PTPRM: variants seen among roughly 807,000 people sequenced by gnomAD.
PTPRM encodes the protein protein tyrosine phosphatase receptor type M, also known as receptor-type tyrosine-protein phosphatase mu.
A neutral mutation model predicts 186.7 loss-of-function variants in PTPRM; 47 were observed. That is an observed-to-expected ratio of 0.25 (90% CI 0.20 to 0.32). The LOEUF is 0.32. Among genes scored for constraint, PTPRM ranks in the 10% least tolerant of loss-of-function variants. The pLI, the probability that PTPRM is intolerant of heterozygous loss-of-function variation, is 1.00. For missense variants in PTPRM, 1,494 were observed against 1,865.0 expected, an observed-to-expected ratio of 0.80 and a Z score of 3.66; for synonymous variants, 668 against 674.9, an observed-to-expected ratio of 0.99 and a Z score of 0.16.
intron 17 of PTPRM, among the ~76,000 whole-genome samples, chr18:8,248,938 A>G (rs1011958586): frequency 3.3e-5 from 5 of 152,194 alleles, no homozygotes; most frequent in South Asian, 2.1e-4. Flanking sequence ...TGTCCAATAT[A>G]AGAAGGGTGA....
At chr18:8,275,895 T>C (rs532117609) in intron 19 of PTPRM, among the ~76,000 whole-genome samples, 29 of 152,310 alleles carry the variant, frequency 1.9e-4, no homozygotes, top group South Asian at 1.5e-3. Context: ...GCTTAGAAAC[T>C]CACAGTACTT....
intron 19 of PTPRM, among the ~76,000 whole-genome samples, chr18:8,267,695 A>T (rs2094718172): frequency 6.6e-6 from 1 of 152,332 alleles, no homozygotes; most frequent in East Asian, 1.9e-4. Flanking sequence ...AAGATTCATT[A>T]CATACTCCTG....
In PTPRM at chr18:7,647,840, G is replaced by T. The variant is rs117146022; in HGVS notation, c.73+79949G>T. ...GGGCCCCAGCTCCAAAGTTGGGGTCGGGCCTAATAATTTGCATTTTTAATG... is the reference window on the plus strand; with the variant it reads ...GGGCCCCAGCTCCAAAGTTGGGGTCTGGCCTAATAATTTGCATTTTTAATG... On this transcript the variant is annotated intron_variant, in intron 1 of 32. Transcript: ENST00000580170. 2.8e-3 allele frequency among the ~76,000 whole-genome samples: 426 copies of T among 152,270 alleles called. 3 individuals carry two copies. Among genetic ancestry groups the T allele is most frequent in the Non-Finnish European group, 5.1e-3 (344 of 68,006 alleles).
chr18:8,213,011 C>T (rs181466558), intron 14 of PTPRM, among the ~76,000 whole-genome samples: 34 of 152,236 alleles, frequency 2.2e-4, no homozygotes, highest in East Asian at 1.2e-3. Flanking sequence ...AGAACTCAAG[C>T]TCTTGTATGT....
At chr18:8,189,664 G>C (rs1476668750) in intron 14 of PTPRM, among the ~76,000 whole-genome samples, 1 of 152,180 alleles carries the variant, frequency 6.6e-6, no homozygotes, top group African/African-American at 2.4e-5. Flanking sequence ...GCTTACCTGA[G>C]TGAGGAGCCT....
At chr18:8,125,990 TATATATATATATATATATATATATATA>T (rs2092330603) in intron 13 of PTPRM, among the ~76,000 whole-genome samples, 1 of 9,976 alleles carries the variant, frequency 1.0e-4, no homozygotes, top group Admixed American at 1.7e-3. Context: ...TATATATATA[TATATATATATATATATATATATATATA>T]TATATATATA....
intron 13 of PTPRM, among the ~76,000 whole-genome samples, chr18:8,119,428 G>A (rs143581312): frequency 2.6e-5 from 4 of 152,194 alleles, no homozygotes; most frequent in Non-Finnish European, 4.4e-5. Context: ...TTAAGATTCC[G>A]TTTAATTTCT....
intron 8 of PTPRM, among the ~76,000 whole-genome samples, chr18:8,071,723 C>T (rs931119717): frequency 6.6e-6 from 1 of 152,158 alleles, no homozygotes; most frequent in African/African-American, 2.4e-5. Context: ...CCAGTCGGGG[C>T]CTCTCCTGGC....
In PTPRM at chr18:7,963,826, G is replaced by T. The variant is rs139968161; in HGVS notation, c.1132+8412G>T. Among the ~76,000 whole-genome samples, 1,406 of 152,240 alleles carry T rather than the reference G, an allele frequency of 9.2e-3. 11 individuals are homozygous for T. The highest frequency in any genetic ancestry group is 0.019 in the South Asian group (92 of 4,816). ...TCGCTGTCAGAGGGGGTTTGCTATG[G>T]GAAAAACATGATTGTTGTTAGTATG... is the stretch of plus-strand genomic sequence containing the variant. On this transcript the variant is annotated intron_variant, in intron 7 of 32. Coordinates refer to ENST00000580170, the MANE Select transcript of PTPRM (RefSeq NM_001105244.2).
At chr18:7,586,534 G>A (rs16952164) in intron 1 of PTPRM, among the ~76,000 whole-genome samples, 4,453 of 152,220 alleles carry the variant, frequency 0.029, 69 homozygotes, top group Middle Eastern at 0.075. Flanking sequence ...TAGATACTGC[G>A]TGATGAAACC....
rs752110255 is a variant in PTPRM, at chr18:8,126,027, A to ATTTTTTTTTTTT, written c.2167+11204_2167+11205insTTTTTTTTTTTT. On this transcript the variant is annotated intron_variant, in intron 13 of 32. Coordinates refer to ENST00000580170, the MANE Select transcript of PTPRM (RefSeq NM_001105244.2). ...TATATATATATATATATATATATAT[A>ATTTTTTTTTTTT]TTTTAAATCAGTAGACCTTTCCATT... 3.0e-3 allele frequency among the ~76,000 whole-genome samples: 206 copies of ATTTTTTTTTTTT among 69,494 alleles called. 8 individuals are homozygous for ATTTTTTTTTTTT. The highest frequency in any genetic ancestry group is 3.7e-3 in the African/African-American group (79 of 21,340). The allele number at this position is 69,494 out of a possible 152,430, so 45.6% of individuals were successfully genotyped here.
intron 13 of PTPRM, among the ~76,000 whole-genome samples, chr18:8,115,555 G>A (rs73387778): frequency 0.022 from 3,277 of 152,146 alleles, 106 homozygotes; most frequent in African/African-American, 0.075. Flanking sequence ...TTAAAATGTC[G>A]TCTTAAAATG....
At chr18:8,350,465 A>G (rs2095528585) in intron 23 of PTPRM, among the ~76,000 whole-genome samples, 1 of 152,128 alleles carries the variant, frequency 6.6e-6, no homozygotes, top group African/African-American at 2.4e-5. Context: ...CTTCTTTCTG[A>G]AGAGAGAGCA....
At chr18:7,730,171 C>T (rs2040629083) in intron 1 of PTPRM, among the ~76,000 whole-genome samples, 1 of 152,222 alleles carries the variant, frequency 6.6e-6, no homozygotes. Flanking sequence ...ATAACTTTAA[C>T]AAATCTTTAA....
chr18:8,298,942 T>C (rs1487775650), intron 20 of PTPRM, among the ~76,000 whole-genome samples: 1 of 152,202 alleles, frequency 6.6e-6, no homozygotes, highest in African/African-American at 2.4e-5. Flanking sequence ...AGCAAGACTC[T>C]GTCTCTACAA....
intron 1 of PTPRM, among the ~76,000 whole-genome samples, chr18:7,667,477 C>G (rs190760670): frequency 6.6e-6 from 1 of 152,230 alleles, no homozygotes; most frequent in East Asian, 1.9e-4. Flanking sequence ...AACAGGCATT[C>G]TAGTTGAATT....
At chr18:7,823,894 T>A (rs2145637869) in intron 2 of PTPRM, among the ~76,000 whole-genome samples, 1 of 152,232 alleles carries the variant, frequency 6.6e-6, no homozygotes, top group South Asian at 2.1e-4. Flanking sequence ...CATCTGTACA[T>A]CTATCCTACT....
At chr18:7,682,819 C>T (rs1382034572) in intron 1 of PTPRM, among the ~76,000 whole-genome samples, 1 of 152,040 alleles carries the variant, frequency 6.6e-6, no homozygotes, top group East Asian at 1.9e-4. Flanking sequence ...CTGCCTCTTT[C>T]CTCTCTGTCT....
At chr18:8,231,643 G>A (rs900173658) in intron 14 of PTPRM, among the ~76,000 whole-genome samples, 3 of 152,102 alleles carry the variant, frequency 2.0e-5, no homozygotes, top group African/African-American at 7.2e-5. Flanking sequence ...AAATAGTAGA[G>A]TATAATAACC....
Sources: gnomAD v4.1 joint callset for allele counts (sites outside exome capture counted in the v4.1 genomes callset) on GRCh38, gnomAD v4.1.1 for gene constraint, MANE v1.5 for transcripts, NCBI Gene and HGNC (gene_info 2026-07-23, HGNC 2026-07-21) for gene names.